The following CSMD1 variants were observed in gnomAD, a reference collection of about 807,000 sequenced individuals.
The protein encoded by CSMD1 is CUB and sushi domain-containing protein 1.
In CSMD1, 213 loss-of-function variants were observed where a neutral mutation model predicts 417.5. The ratio of observed to expected loss-of-function variants is 0.51; its 90% CI spans 0.46 to 0.57. The LOEUF (loss-of-function observed/expected upper bound fraction) is 0.57. CSMD1 is among the 20% of genes least tolerant of loss of function. CSMD1 has a pLI of 0.00. For missense variants in CSMD1, 6,923 were observed against 4,529.7 expected, an observed-to-expected ratio of 1.53 and a Z score of -15.17; for synonymous variants, 2,862 against 1,736.8, an observed-to-expected ratio of 1.65 and a Z score of -16.11.
intron 2 of CSMD1, among the ~76,000 whole-genome samples, chr8:4,453,339 C>T (rs1383672674): frequency 2.0e-5 from 3 of 152,162 alleles, no homozygotes; most frequent in Admixed American, 6.5e-5. Flanking sequence ...CCACTGGGAA[C>T]CAACTGCCCC....
intron 3 of CSMD1, among the ~76,000 whole-genome samples, chr8:4,297,449 T>C (rs1392079832): frequency 2.6e-5 from 4 of 152,192 alleles, no homozygotes; most frequent in African/African-American, 7.2e-5. Flanking sequence ...CAGACATCAG[T>C]TGCTGGGCGT....
chr8:4,768,273 A>G (rs377117285), intron 1 of CSMD1, among the ~76,000 whole-genome samples: 6 of 151,954 alleles, frequency 3.9e-5, no homozygotes, highest in African/African-American at 1.2e-4. Flanking sequence ...CTAACCTCCG[A>G]GAGAGCACAG....
At chr8:3,305,919 A>G (rs1433992519) in intron 25 of CSMD1, among the ~76,000 whole-genome samples, 1 of 152,032 alleles carries the variant, frequency 6.6e-6, no homozygotes, top group African/African-American at 2.4e-5. Context: ...TCACCTGGTG[A>G]TTTGCCTGCC....
At chr8:4,906,813 C>G (rs562754783) in intron 1 of CSMD1, among the ~76,000 whole-genome samples, 16 of 152,310 alleles carry the variant, frequency 1.1e-4, no homozygotes, top group African/African-American at 3.6e-4. Context: ...CTGCCTCGGC[C>G]TCCCATAGTG....
intron 18 of CSMD1, chr8:3,373,765 C>T (rs1810126480): frequency 6.6e-6 from 1 of 152,082 alleles, no homozygotes; most frequent in African/African-American, 2.4e-5. Context: ...TGTTGCTGTC[C>T]TTAATGCTAT....
chr8:4,173,182 T>C (rs1463034650), intron 3 of CSMD1, among the ~76,000 whole-genome samples: 2 of 152,134 alleles, frequency 1.3e-5, no homozygotes, highest in Non-Finnish European at 2.9e-5. Flanking sequence ...AAATACAGGA[T>C]GCTCAATTAA....
chr8:3,276,355 C>G (rs552260016), intron 26 of CSMD1, among the ~76,000 whole-genome samples: 5 of 152,292 alleles, frequency 3.3e-5, no homozygotes, highest in Admixed American at 3.3e-4. Flanking sequence ...AATCACCCAT[C>G]TTCTGTGTCG....
rs996225562 is a variant in CSMD1, at chr8:3,175,149, C to T, written c.5725+5961G>A. Among the ~76,000 whole-genome samples, 8 of 151,990 alleles carry T rather than the reference C, an allele frequency of 5.3e-5. No individual in the cohort carries two copies. The East Asian group carries it at 5.8e-4, about 11-fold the overall frequency. ...TAAAATATTTATGTTTAGTTTATAA[C>T]GATAAAATCATTTGACTAAAGAAAA... On this transcript the variant is annotated intron_variant, in intron 37 of 69. Coordinates refer to ENST00000635120, the MANE Select transcript of CSMD1 (RefSeq NM_033225.6).
intron 2 of CSMD1, among the ~76,000 whole-genome samples, chr8:4,547,210 C>A (rs1299301214): frequency 2.0e-5 from 3 of 152,170 alleles, no homozygotes; most frequent in African/African-American, 7.2e-5. Context: ...CGTTATCCAG[C>A]AAGCCTGGGT....
At chr8:3,773,257 C>G (rs1323421121) in intron 5 of CSMD1, among the ~76,000 whole-genome samples, 1 of 152,138 alleles carries the variant, frequency 6.6e-6, no homozygotes, top group African/African-American at 2.4e-5. Flanking sequence ...GTTTTAGATT[C>G]TCCATGCATA....
intron 5 of CSMD1, among the ~76,000 whole-genome samples, chr8:3,835,515 C>G (rs1414970231): frequency 3.9e-5 from 6 of 151,914 alleles, no homozygotes; most frequent in African/African-American, 1.5e-4. Flanking sequence ...GGGAATTGAA[C>G]AATGAGAACA....
At chr8:3,635,214 G>T (rs1355604298) in intron 7 of CSMD1, among the ~76,000 whole-genome samples, 1 of 152,044 alleles carries the variant, frequency 6.6e-6, no homozygotes, top group East Asian at 1.9e-4. Flanking sequence ...AGTGGCTCAC[G>T]CCTGTAATCC....
At chr8:3,988,458 C>T (rs902951725) in intron 5 of CSMD1, among the ~76,000 whole-genome samples, 1 of 152,198 alleles carries the variant, frequency 6.6e-6, no homozygotes, top group Non-Finnish European at 1.5e-5. Flanking sequence ...AACACCCTAA[C>T]CTCTCACAGC....
intron 4 of CSMD1, among the ~76,000 whole-genome samples, chr8:4,005,231 C>A (rs1004401599): frequency 6.6e-6 from 1 of 152,096 alleles, no homozygotes; most frequent in African/African-American, 2.4e-5. Context: ...GAAATCACCA[C>A]TGAAGAACTT....
At chr8:2,983,656 A>G (rs1805612983) in intron 54 of CSMD1, among the ~76,000 whole-genome samples, 1 of 152,018 alleles carries the variant, frequency 6.6e-6, no homozygotes, top group Admixed American at 6.6e-5. Context: ...TCGTAACCCA[A>G]AGTAAAGCAC....
chr8:3,428,996 T>C (rs1447355), intron 12 of CSMD1, among the ~76,000 whole-genome samples: 47,110 of 151,938 alleles, frequency 0.31, 7,737 homozygotes, highest in South Asian at 0.39. Context: ...ACTGATCTCA[T>C]TGGAGCAGAG....
chr8:3,738,668 A>G (rs1796645984), intron 6 of CSMD1, among the ~76,000 whole-genome samples: 3 of 152,182 alleles, frequency 2.0e-5, no homozygotes, highest in African/African-American at 7.2e-5. Context: ...TAGATAACAG[A>G]TAAGTCTTTC....
At chr8:4,008,741 G>A (rs769684565) in intron 4 of CSMD1, among the ~76,000 whole-genome samples, 4 of 151,140 alleles carry the variant, frequency 2.6e-5, no homozygotes, top group African/African-American at 9.7e-5. Flanking sequence ...CTCCTGAGTA[G>A]CTGGGAATAC....
intron 1 of CSMD1, among the ~76,000 whole-genome samples, chr8:4,758,758 C>A (rs950892589): frequency 1.8e-4 from 28 of 152,250 alleles, no homozygotes; most frequent in Non-Finnish European, 3.2e-4. Context: ...ACCACCAGAT[C>A]TGGTGAGAAG....
Sources: allele counts gnomAD v4.1 joint callset (sites outside exome capture counted in the v4.1 genomes callset), GRCh38; gene constraint gnomAD v4.1.1; transcripts MANE v1.5; gene names NCBI Gene and HGNC (gene_info 2026-07-23, HGNC 2026-07-21).